ZC3H6: variants seen among roughly 807,000 people sequenced by gnomAD.
ZC3H6 encodes zinc finger CCCH domain-containing protein 6.
In ZC3H6, 40 loss-of-function variants were observed where a neutral mutation model predicts 107.7. The ratio of observed to expected loss-of-function variants is 0.37; its 90% CI spans 0.29 to 0.48. The LOEUF (loss-of-function observed/expected upper bound fraction) is 0.48. Ranked by LOEUF, ZC3H6 falls within the 20% of genes least tolerant of loss-of-function variation. The pLI, the probability that ZC3H6 is intolerant of heterozygous loss-of-function variation, is 0.98. For missense variants in ZC3H6, 1,267 were observed against 1,410.4 expected, an observed-to-expected ratio of 0.90 and a Z score of 1.63; for synonymous variants, 493 against 487.9, an observed-to-expected ratio of 1.01 and a Z score of -0.14.
intron 7 of ZC3H6, 71 bp downstream of exon 7, chr2:112,317,403 T>G: frequency 4.9e-6 from 4 of 815,336 alleles, no homozygotes; most frequent in Non-Finnish European, 7.5e-6. Context: ...TTTTAAAAAA[T>G]AATAAATACA....
chr2:112,324,059 A>C, intron 9 of ZC3H6, 93 bp from the exon 10 acceptor site: 1 of 1,380,460 alleles, frequency 7.2e-7, no homozygotes, highest in Middle Eastern at 1.9e-4. Context: ...CTGATGTAAA[A>C]AAAGTACTTA....
chr2:112,294,422 AG>A (rs1237675843), intron 1 of ZC3H6, among the ~76,000 whole-genome samples: 1 of 152,264 alleles, frequency 6.6e-6, no homozygotes, highest in African/African-American at 2.4e-5. Context: ...TGGACTGCAA[AG>A]AAATCCTAGA....
intron 7 of ZC3H6, among the ~76,000 whole-genome samples, chr2:112,319,890 G>T (rs1676768729): frequency 6.6e-6 from 1 of 152,052 alleles, no homozygotes; most frequent in African/African-American, 2.4e-5. Context: ...TTTTTTCTAT[G>T]CTGGTATGTA....
At chr2:112,296,945 A>G (rs1558949027) in intron 1 of ZC3H6, among the ~76,000 whole-genome samples, 1 of 152,182 alleles carries the variant, frequency 6.6e-6, no homozygotes, top group Non-Finnish European at 1.5e-5. Flanking sequence ...TAGTAATGGG[A>G]GACATCTTGT....
intron 1 of ZC3H6, among the ~76,000 whole-genome samples, chr2:112,295,012 A>G (rs1676205269): frequency 7.1e-6 from 1 of 141,524 alleles, no homozygotes; most frequent in Admixed American, 7.0e-5. Context: ...TACAGTCATT[A>G]CCACTATTTA....
At chr2:112,295,942 A>AT (rs1035966975) in intron 1 of ZC3H6, among the ~76,000 whole-genome samples, 13 of 151,858 alleles carry the variant, frequency 8.6e-5, no homozygotes, top group Admixed American at 1.3e-4. Flanking sequence ...TCCAGATGTA[A>AT]TTTTTTTTAT....
At chr2:112,301,715 C>G (rs1676382999) in intron 2 of ZC3H6, among the ~76,000 whole-genome samples, 2 of 151,778 alleles carry the variant, frequency 1.3e-5, no homozygotes, top group South Asian at 4.2e-4. Flanking sequence ...TATGCTCAAA[C>G]AGCATAGAAT....
chr2:112,317,191 C>CT (rs1409385285), intron 6 of ZC3H6, 30 bp from the exon 7 acceptor site: 183 of 1,117,972 alleles, frequency 1.6e-4, no homozygotes, highest in South Asian at 5.8e-4. Context: ...ACCTTTTTTT[C>CT]TTTTTTCTTT....
In ZC3H6 at chr2:112,299,828, A is replaced by G. The variant is rs887285535; in HGVS notation, c.33-21A>G. ...ATTTGTTTTAGAATGATATTTGAAA[A>G]TTAAAATTTTCCTTCTATAGAGAAG... On this transcript the variant is annotated intron_variant, in intron 1 of 11. Transcript: ENST00000409871. The G allele has an allele frequency of 2.2e-6, 3 of 1,360,892 alleles. No homozygotes were observed. The African/African-American group carries it at 4.5e-5, about 21-fold the overall frequency. The allele number at this position is 1,360,892 out of a possible 1,614,324, so 84.3% of individuals were successfully genotyped here.
intron 1 of ZC3H6, among the ~76,000 whole-genome samples, chr2:112,279,935 G>A (rs1686497544): frequency 6.6e-6 from 1 of 152,154 alleles, no homozygotes; most frequent in Non-Finnish European, 1.5e-5. Flanking sequence ...AATGGAATAA[G>A]TTCTGGGCTT....
intron 1 of ZC3H6, among the ~76,000 whole-genome samples, chr2:112,280,030 ATCT>A (rs1379756339): frequency 6.6e-6 from 1 of 152,154 alleles, no homozygotes; most frequent in African/African-American, 2.4e-5. Flanking sequence ...ACTGATCCTG[ATCT>A]TCTAACTTGG....
rs745986491 is a variant in ZC3H6, at chr2:112,316,592, T to C, written c.864+6T>C. Reference sequence around the variant, plus strand: ...TGGAAGGGAGGTGTATTAAGGTAAATTTATAGAGGTATCATAAGTCATTTT... The same window carrying C: ...TGGAAGGGAGGTGTATTAAGGTAAACTTATAGAGGTATCATAAGTCATTTT... On this transcript the variant is annotated splice_donor_region_variant and intron_variant, in intron 6 of 11. Coordinates refer to ENST00000409871, the MANE Select transcript of ZC3H6 (RefSeq NM_198581.3). 3.3e-6 allele frequency: 5 copies of C among 1,517,336 alleles called. No individual in the cohort carries two copies. The East Asian group carries it at 1.2e-4, about 35-fold the overall frequency. 94.0% of individuals were successfully genotyped at this position (1,517,336 alleles called of 1,614,324 possible). A position where few individuals can be genotyped will look rare whatever the true frequency, so the allele number is the denominator to read the frequency against.
chr2:112,324,979 G>C lies in ZC3H6; in HGVS notation c.1868G>C (p.Gly623Ala). The C allele has an allele frequency of 6.2e-7, 1 of 1,605,144 alleles. No individual in the cohort carries two copies. The highest frequency in any genetic ancestry group is 8.5e-7 in the Non-Finnish European group (1 of 1,175,526). The change falls in exon 11 of 12, where the codon GGT (glycine) becomes GCT (alanine). Residue 623 changes from glycine (G) to alanine (A), a missense_variant. Gly to Ala is a moderately conservative substitution (Grantham distance 60). Coordinates refer to ENST00000409871, the MANE Select transcript of ZC3H6 (RefSeq NM_198581.3). ...ATACATGTAGATGGGATGTGGCATGGTGAATTTGCCCAGCAGCAGCCTCCT... is the reference window on the plus strand; with the variant it reads ...ATACATGTAGATGGGATGTGGCATGCTGAATTTGCCCAGCAGCAGCCTCCT... ...PNNSGDGMWH[G>A]EFAQQQPPVV...
intron 5 of ZC3H6, among the ~76,000 whole-genome samples, chr2:112,315,748 C>T (rs1227034268): frequency 6.6e-6 from 1 of 151,968 alleles, no homozygotes; most frequent in Non-Finnish European, 1.5e-5. Context: ...GAGGTGTGTG[C>T]CACCACACCT....
At chr2:112,325,227 C>T (rs1049915354) in intron 11 of ZC3H6, 30 bp downstream of exon 11, 8 of 1,598,162 alleles carry the variant, frequency 5.0e-6, no homozygotes, top group Non-Finnish European at 6.0e-6. Context: ...TAGCATCTTA[C>T]CTATTTGGAT....
chr2:112,323,030 C>T (rs1209453406), intron 9 of ZC3H6, 128 bp downstream of exon 9: 11 of 1,006,776 alleles, frequency 1.1e-5, no homozygotes, highest in South Asian at 6.8e-5. Flanking sequence ...CTGGCATGCA[C>T]GCAGATTGTT....
intron 1 of ZC3H6, among the ~76,000 whole-genome samples, chr2:112,289,605 G>A (rs1676060866): frequency 6.6e-6 from 1 of 152,126 alleles, no homozygotes; most frequent in South Asian, 2.1e-4. Context: ...GATTACAGGC[G>A]TGAGCCACCG....
chr2:112,324,329 A>AC lies in ZC3H6; in HGVS notation c.1520dup (p.Pro508SerfsTer17). The AC allele has an allele frequency of 6.2e-7, 1 of 1,613,916 alleles. No homozygotes were observed. Among genetic ancestry groups the AC allele is most frequent in the African/African-American group, 1.3e-5 (1 of 75,014 alleles). On this transcript the variant is annotated frameshift_variant, in exon 10 of 12. Coordinates refer to ENST00000409871, the MANE Select transcript of ZC3H6 (RefSeq NM_198581.3). LOFTEE classifies it high-confidence loss of function. ...CCCCTGGACATCACCCATGTGCAGG[A>AC]CCTCCTGGTCTACCAGTGCCACAGA...
intron 5 of ZC3H6, among the ~76,000 whole-genome samples, chr2:112,312,474 A>G (rs1323562530): frequency 1.3e-5 from 2 of 152,202 alleles, no homozygotes; most frequent in Non-Finnish European, 2.9e-5. Flanking sequence ...TTAACCTTGT[A>G]GTGACTCCCT....
Sources: gnomAD v4.1 joint callset for allele counts (sites outside exome capture counted in the v4.1 genomes callset) on GRCh38, gnomAD v4.1.1 for gene constraint, MANE v1.5 for transcripts, NCBI Gene and HGNC (gene_info 2026-07-23, HGNC 2026-07-21) for gene names.